The following TNPO1 variants were observed in gnomAD, a reference collection of about 807,000 sequenced individuals.
TNPO1 encodes transportin 1.
In TNPO1, 8 loss-of-function variants were observed where a neutral mutation model predicts 119.5. The ratio of observed to expected loss-of-function variants is 0.07; its 90% CI spans 0.04 to 0.12. TNPO1 has a LOEUF of 0.12. Among genes scored for constraint, TNPO1 ranks in the 10% least tolerant of loss-of-function variants. The pLI is 1.00. For missense variants in TNPO1, 576 were observed against 1,089.8 expected, an observed-to-expected ratio of 0.53 and a Z score of 6.64; for synonymous variants, 362 against 363.0, an observed-to-expected ratio of 1.00 and a Z score of 0.03.
At chr5:72,832,400 G>A (rs1047645481) in intron 1 of TNPO1, among the ~76,000 whole-genome samples, 36 of 151,950 alleles carry the variant, frequency 2.4e-4, no homozygotes, top group African/African-American at 8.7e-4. Flanking sequence ...GCTACTATTC[G>A]TTCTATATTA....
chr5:72,841,199 C>A (rs1744897292), intron 1 of TNPO1, among the ~76,000 whole-genome samples: 1 of 151,356 alleles, frequency 6.6e-6, no homozygotes, highest in South Asian at 2.1e-4. Context: ...TGGCTCACTG[C>A]AAGCTCCACC....
intron 24 of TNPO1, among the ~76,000 whole-genome samples, chr5:72,908,226 T>A (rs962778300): frequency 3.5e-4 from 53 of 152,144 alleles, no homozygotes; most frequent in Non-Finnish European, 8.8e-5. Flanking sequence ...CTTTTGTGTT[T>A]TGATAGGTTG....
intron 1 of TNPO1, among the ~76,000 whole-genome samples, chr5:72,822,526 A>C (rs908712177): frequency 6.6e-6 from 1 of 151,938 alleles, no homozygotes; most frequent in African/African-American, 2.4e-5. Flanking sequence ...GTTAGTAACC[A>C]CAGAAACTCC....
Position 72,900,011 on chromosome 5 carries a change from A to G in TNPO1, c.2344A>G (p.Thr782Ala). The G allele has an allele frequency of 6.2e-7, 1 of 1,613,926 alleles. No homozygotes were observed. Among genetic ancestry groups the G allele is most frequent in the Non-Finnish European group, 8.5e-7 (1 of 1,179,878 alleles). Reference protein sequence around the residue: ...PKTLLENTAITIGRLGYVCPQ... With the variant: ...PKTLLENTAIAIGRLGYVCPQ... ...CCGTGATTGCGTTACCTTAGCAATAACAATTGGTCGTCTTGGTTACGTTTG... is the reference window on the plus strand; with the variant it reads ...CCGTGATTGCGTTACCTTAGCAATAGCAATTGGTCGTCTTGGTTACGTTTG... Residue 782 changes from threonine to alanine, a missense_variant, in exon 21 of 25, where the codon ACA becomes GCA. By Grantham distance (58) the Thr-to-Ala change is moderately conservative. Around this residue, in one of 6 missense-constraint regions of TNPO1, gnomAD observed 162 missense variants for 294.1 expected, o/e 0.55. Coordinates refer to ENST00000337273, the MANE Select transcript of TNPO1 (RefSeq NM_002270.4).
chr5:72,864,558 C>G (rs1442365214), intron 5 of TNPO1, among the ~76,000 whole-genome samples: 4 of 152,114 alleles, frequency 2.6e-5, no homozygotes, highest in Non-Finnish European at 4.4e-5. Context: ...CACCAGTTAC[C>G]CAGTGAATAC....
chr5:72,868,262 C>T (rs907253485), intron 6 of TNPO1, among the ~76,000 whole-genome samples: 1 of 151,814 alleles, frequency 6.6e-6, no homozygotes. Context: ...GAAACCCCGC[C>T]TCTGCTAAAA....
At chr5:72,843,124 C>CT (rs1377228388) in intron 1 of TNPO1, among the ~76,000 whole-genome samples, 2 of 152,138 alleles carry the variant, frequency 1.3e-5, no homozygotes, top group African/African-American at 2.4e-5. Flanking sequence ...GCTGAGAGTG[C>CT]TAGATGTTCA....
At chr5:72,889,984 G>T (rs777820123) in intron 14 of TNPO1, 27 bp downstream of exon 14, 1 of 1,602,098 alleles carries the variant, frequency 6.2e-7, no homozygotes, top group Non-Finnish European at 8.5e-7. Context: ...AACTATTAGG[G>T]AAAATAATGT....
At chr5:72,902,603 T>C (rs1001730290) in intron 22 of TNPO1, among the ~76,000 whole-genome samples, 23 of 152,118 alleles carry the variant, frequency 1.5e-4, no homozygotes, top group African/African-American at 5.5e-4. Flanking sequence ...TTCAAAAGTA[T>C]CTTCCGACCA....
At position 72,853,223 on chromosome 5, in the gene TNPO1, G is replaced by A. The variant is rs575750771; in HGVS notation, c.205+1904G>A. ...CCCAGCACTTTGAGAGGCCAAAGCA[G>A]GAAGATTGCTTCAGGCAAGGAGTTC... On this transcript the variant is annotated intron_variant, in intron 3 of 24. Transcript: ENST00000337273. Among the ~76,000 whole-genome samples, 4 of 152,286 alleles carry A rather than the reference G, an allele frequency of 2.6e-5. No homozygotes were observed. The East Asian group carries it at 7.7e-4, about 29-fold the overall frequency.
At chr5:72,871,190 TG>T (rs1298091507) in intron 6 of TNPO1, among the ~76,000 whole-genome samples, 1 of 152,174 alleles carries the variant, frequency 6.6e-6, no homozygotes, top group Non-Finnish European at 1.5e-5. Flanking sequence ...TTGGCCAGGC[TG>T]GTCTAGAACT....
chr5:72,849,014 T>G (rs1326826184), intron 2 of TNPO1, among the ~76,000 whole-genome samples: 1 of 152,006 alleles, frequency 6.6e-6, no homozygotes, highest in East Asian at 1.9e-4. Flanking sequence ...ACTGCAGCTG[T>G]GTGGGTCTTG....
At chr5:72,902,919 C>T (rs1001677776) in intron 22 of TNPO1, among the ~76,000 whole-genome samples, 1 of 152,096 alleles carries the variant, frequency 6.6e-6, no homozygotes, top group African/African-American at 2.4e-5. Flanking sequence ...AACATACACA[C>T]ACTGTAGTAT....
At chr5:72,838,035 T>A (rs186251503) in intron 1 of TNPO1, among the ~76,000 whole-genome samples, 15 of 152,342 alleles carry the variant, frequency 9.8e-5, no homozygotes, top group Admixed American at 2.0e-4. Flanking sequence ...TGTGTGAGAT[T>A]TCTATGAAGA....
intron 6 of TNPO1, among the ~76,000 whole-genome samples, chr5:72,871,439 A>G (rs1030820082): frequency 2.0e-5 from 3 of 152,168 alleles, no homozygotes; most frequent in Admixed American, 6.5e-5. Flanking sequence ...CCAAAAATCA[A>G]CTGTTTTTGG....
chr5:72,873,464 G>C (rs188651679), intron 7 of TNPO1, among the ~76,000 whole-genome samples: 3 of 152,068 alleles, frequency 2.0e-5, no homozygotes, highest in African/African-American at 7.2e-5. Context: ...AAATTGACCA[G>C]CTTCTTTCTG....
chr5:72,881,361 G>A (rs1426992984), intron 9 of TNPO1, among the ~76,000 whole-genome samples: 2 of 152,018 alleles, frequency 1.3e-5, no homozygotes, highest in Admixed American at 6.6e-5. Context: ...CGCTCGCCTC[G>A]ACCTAATCTG....
intron 9 of TNPO1, among the ~76,000 whole-genome samples, chr5:72,880,143 G>A (rs376957178): frequency 3.2e-4 from 48 of 152,000 alleles, no homozygotes; most frequent in African/African-American, 1.2e-3. Flanking sequence ...GCTATGAGCC[G>A]AAATGGCACC....
At chr5:72,887,339 G>A in intron 12 of TNPO1, 117 bp downstream of exon 12, 1 of 1,158,334 alleles carries the variant, frequency 8.6e-7, no homozygotes. Context: ...GTATTAAACA[G>A]CCATAGGCCG....
Sources: gnomAD v4.1 joint callset for allele counts (sites outside exome capture counted in the v4.1 genomes callset) on GRCh38, gnomAD v4.1.1 for gene constraint, gnomAD v4.1.1 regional missense constraint, MANE v1.5 for transcripts, NCBI Gene and HGNC (gene_info 2026-07-23, HGNC 2026-07-21) for gene names.